The following OXCT1 variants were observed in gnomAD, a reference collection of about 807,000 sequenced individuals.
OXCT1 encodes 3-oxoacid CoA-transferase 1.
A neutral mutation model predicts 69.6 loss-of-function variants in OXCT1; 27 were observed. The observed-to-expected ratio is 0.39, with a 90% CI of 0.29 to 0.54. OXCT1 has a LOEUF of 0.54. OXCT1 is among the 20% of genes least tolerant of loss of function. The pLI is 0.72. For missense variants in OXCT1, 437 were observed against 650.2 expected, an observed-to-expected ratio of 0.67 and a Z score of 3.57; for synonymous variants, 202 against 217.8, an observed-to-expected ratio of 0.93 and a Z score of 0.64.
intron 9 of OXCT1, among the ~76,000 whole-genome samples, chr5:41,803,926 GA>G (rs1386688788): frequency 6.6e-6 from 1 of 151,962 alleles, no homozygotes; most frequent in Non-Finnish European, 1.5e-5. Context: ...ACACTGCCTG[GA>G]ACTACTGCCC....
chr5:41,741,665 C>T (rs182908514), intron 15 of OXCT1, among the ~76,000 whole-genome samples: 6 of 152,294 alleles, frequency 3.9e-5, no homozygotes, highest in African/African-American at 1.4e-4. Flanking sequence ...AAACACACAT[C>T]GCTGGGACCA....
At chr5:41,801,149 T>C in intron 10 of OXCT1, 79 bp from the exon 11 acceptor site, 1 of 1,123,020 alleles carries the variant, frequency 8.9e-7, no homozygotes, top group Non-Finnish European at 1.4e-6. Flanking sequence ...TATAAATAAC[T>C]TCCCTAAAAA....
intron 4 of OXCT1, among the ~76,000 whole-genome samples, chr5:41,851,835 T>C (rs559221213): frequency 5.3e-5 from 8 of 152,328 alleles, no homozygotes; most frequent in African/African-American, 1.9e-4. Flanking sequence ...CAAAGAATAC[T>C]GTATCTTAAC....
At chr5:41,839,014 T>C (rs1748505116) in intron 7 of OXCT1, among the ~76,000 whole-genome samples, 1 of 152,164 alleles carries the variant, frequency 6.6e-6, no homozygotes. Flanking sequence ...CTAATGTGTG[T>C]CTCGGCCTAC....
chr5:41,848,621 A>G (rs1042082822), intron 5 of OXCT1, among the ~76,000 whole-genome samples: 6 of 149,482 alleles, frequency 4.0e-5, no homozygotes, highest in Admixed American at 1.3e-4. Context: ...GCCCTCAGAA[A>G]TAACACCGCA....
chr5:41,803,127 T>C lies in OXCT1; in HGVS notation c.992A>G (p.Asn331Ser), dbSNP rs755915586. ...LGIGIPLLAS[N>S]FISPNITVHL... is the part of the protein sequence containing the mutation. ...AACAGTTATATTTGGGCTGATAAAA[T>C]TGCTGGCCAGGAGAGGGATTCCTAT... The change falls in exon 10 of 17, where the codon AAT (asparagine) becomes AGT (serine). Residue 331 changes from asparagine (N) to serine (S), a missense_variant. Transcript: ENST00000196371. 9.3e-6 allele frequency: 15 copies of C among 1,612,104 alleles called. No individual in the cohort carries two copies. Among genetic ancestry groups the C allele is most frequent in the Admixed American group, 5.0e-5 (3 of 59,890 alleles).
chr5:41,870,202 G>C lies in OXCT1; in HGVS notation c.78+79C>G. 4 of 1,116,310 alleles carry C rather than the reference G, an allele frequency of 3.6e-6. No individual in the cohort carries two copies. The highest frequency in any genetic ancestry group is 1.8e-5 in the Admixed American group (1 of 57,122). 69.2% of individuals were successfully genotyped at this position (1,116,310 alleles called of 1,614,324 possible). On this transcript the variant is annotated intron_variant, in intron 1 of 16. Coordinates refer to ENST00000196371, the MANE Select transcript of OXCT1 (RefSeq NM_000436.4). The surrounding 1 kb of genome is among the most constrained non-coding windows in gnomAD (Gnocchi z 4.2). Reference sequence around the variant, plus strand: ...AGGCTGGAGAGAGCGGGTAGGGGCAGAGAAGAAAACGCGGGCACCACTCAG... The same window carrying C: ...AGGCTGGAGAGAGCGGGTAGGGGCACAGAAGAAAACGCGGGCACCACTCAG...
At chr5:41,803,012 A>G in intron 10 of OXCT1, 57 bp downstream of exon 10, 3 of 1,230,696 alleles carry the variant, frequency 2.4e-6, no homozygotes, top group East Asian at 2.3e-5. Context: ...ATTTCACAAC[A>G]TGAAATATCT....
chr5:41,769,724 T>TA (rs943214521), intron 13 of OXCT1, among the ~76,000 whole-genome samples: 69 of 149,644 alleles, frequency 4.6e-4, no homozygotes, highest in African/African-American at 8.3e-4. Context: ...GTGACTCAAG[T>TA]AAAAAAAAAA....
Position 41,870,305 on chromosome 5 carries a change from G to A in OXCT1, c.54C>T (p.Arg18=), listed in dbSNP as rs1216776228. ...SSGLRLCASA[R]GSGATWYKGC... is the part of the protein sequence containing the mutation. ...CCTTGTACCAGGTTGCCCCAGATCC[G>A]CGGGCAGAGGCGCAGAGCCGAAGCC... Residue 18 remains arginine, a synonymous_variant, in exon 1 of 17, where the codon CGC becomes CGT. Coordinates refer to ENST00000196371, the MANE Select transcript of OXCT1 (RefSeq NM_000436.4). The surrounding 1 kb of genome is among the most constrained non-coding windows in gnomAD (Gnocchi z 4.2). 1.2e-6 allele frequency: 2 copies of A among 1,613,850 alleles called. No individual in the cohort carries two copies. Among genetic ancestry groups the A allele is most frequent in the South Asian group, 1.1e-5 (1 of 91,076 alleles).
intron 7 of OXCT1, among the ~76,000 whole-genome samples, chr5:41,819,891 C>T (rs1229557265): frequency 6.6e-6 from 1 of 152,076 alleles, no homozygotes; most frequent in Non-Finnish European, 1.5e-5. Context: ...CTGGTTACTG[C>T]TCTGGGTTCA....
rs752339317 is a variant in OXCT1, at chr5:41,739,432, C to T, written c.1479G>A (p.Leu493=). 3 of 1,613,808 alleles carry T rather than the reference C, an allele frequency of 1.9e-6. No individual in the cohort carries two copies. In the East Asian group the frequency reaches 6.7e-5, roughly 36 times the overall value. ...TACTCTTCTGTACGTCATCCACTGT[C>T]AGGCCTTCCCAGAGCTCAATCAGAG... The part of the protein sequence containing the change: ...GLTLIELWEG[L]TVDDVQKSTG... Residue 493 remains leucine (L), a synonymous_variant, in exon 16 of 17, where the codon CTG becomes CTA. Coordinates refer to ENST00000196371, the MANE Select transcript of OXCT1 (RefSeq NM_000436.4).
chr5:41,774,997 A>G (rs1297989385), intron 13 of OXCT1, among the ~76,000 whole-genome samples: 3 of 152,198 alleles, frequency 2.0e-5, no homozygotes, highest in Admixed American at 6.5e-5. Flanking sequence ...TGATATAAAC[A>G]TATGATTAAA....
At chr5:41,795,376 C>G (rs1352397228) in intron 11 of OXCT1, among the ~76,000 whole-genome samples, 2 of 152,192 alleles carry the variant, frequency 1.3e-5, no homozygotes, top group Non-Finnish European at 2.9e-5. Flanking sequence ...ATGCACCCCT[C>G]TATTGTCCAT....
chr5:41,751,282 G>A (rs1361042400), intron 14 of OXCT1, among the ~76,000 whole-genome samples: 1 of 152,106 alleles, frequency 6.6e-6, no homozygotes, highest in Non-Finnish European at 1.5e-5. Flanking sequence ...TTTTCTGCAA[G>A]GAGCTCTTAC....
chr5:41,771,927 T>C (rs1408800911), intron 13 of OXCT1, among the ~76,000 whole-genome samples: 2 of 152,232 alleles, frequency 1.3e-5, no homozygotes, highest in Non-Finnish European at 2.9e-5. Context: ...TATGGTTGGT[T>C]CAACCTATGT....
At chr5:41,846,097 T>C (rs1028900790) in intron 5 of OXCT1, among the ~76,000 whole-genome samples, 1 of 151,862 alleles carries the variant, frequency 6.6e-6, no homozygotes, top group Non-Finnish European at 1.5e-5. Flanking sequence ...AGAAGTCTTC[T>C]CTTTATTTAT....
chr5:41,737,989 A>T (rs1308235443), intron 16 of OXCT1, among the ~76,000 whole-genome samples: 1 of 152,100 alleles, frequency 6.6e-6, no homozygotes, highest in Non-Finnish European at 1.5e-5. Context: ...TGGGAGGCGG[A>T]GCTTGCAATG....
At chr5:41,839,531 C>G (rs1295222185) in intron 7 of OXCT1, among the ~76,000 whole-genome samples, 1 of 152,148 alleles carries the variant, frequency 6.6e-6, no homozygotes, top group Non-Finnish European at 1.5e-5. Flanking sequence ...ACCACCATGC[C>G]TCGGTTGAAA....
Sources: gnomAD v4.1 joint callset for allele counts (sites outside exome capture counted in the v4.1 genomes callset) on GRCh38, gnomAD v4.1.1 for gene constraint, Gnocchi (gnomAD v3.1) non-coding constraint, MANE v1.5 for transcripts, NCBI Gene and HGNC (gene_info 2026-07-23, HGNC 2026-07-21) for gene names.